ATXN1: variants seen among roughly 807,000 people sequenced by gnomAD.
ATXN1 encodes ataxin-1.
In ATXN1, 8 loss-of-function variants were observed where a neutral mutation model predicts 56.4. The ratio of observed to expected loss-of-function variants is 0.14; its 90% confidence interval spans 0.08 to 0.26. The LOEUF is 0.26. ATXN1 is among the 10% of genes least tolerant of loss of function. ATXN1 has a pLI of 1.00. For synonymous variants in ATXN1, 514 were observed against 494.6 expected (o/e 1.04, Z -0.52); for missense variants, 987 against 1,106.5 (o/e 0.89, Z 1.53).
Position 16,513,800 on chromosome 6 carries a change from A to G in ATXN1, c.-299+8827T>C, listed in dbSNP as rs73724883. Among the ~76,000 whole-genome samples, 304 of 152,230 alleles carry G rather than the reference A, an allele frequency of 2.0e-3. 1 individual carries two copies. The highest frequency in any genetic ancestry group is 6.8e-3 in the African/African-American group (284 of 41,538). On this transcript the variant is annotated intron_variant, in intron 5 of 7. Coordinates refer to ENST00000436367, the MANE Select transcript of ATXN1 (RefSeq NM_001128164.2). ...CCTAGGGCATGGGAGGGAGGGAGAC[A>G]GTGACTTTAAAGCTTTCCTGTTCTG...
chr6:16,529,467 C>G (rs1225594458), intron 4 of ATXN1, among the ~76,000 whole-genome samples: 1 of 152,106 alleles, frequency 6.6e-6, no homozygotes, highest in African/African-American at 2.4e-5. Flanking sequence ...CTTAAATGAT[C>G]TCCATCAGCA....
Position 16,466,997 on chromosome 6 carries a change from G to C in ATXN1, c.-161+18975C>G, listed in dbSNP as rs1760121713. On this transcript the variant is annotated intron_variant, in intron 6 of 7. Coordinates refer to ENST00000436367, the MANE Select transcript of ATXN1 (RefSeq NM_001128164.2). ...CCAGTGTTTGCATTAAATGACTGTG[G>C]TGCAGCCTCGCATAACATAAATGAC... is the stretch of plus-strand genomic sequence containing the variant. Among the ~76,000 whole-genome samples the C allele has an allele frequency of 3.9e-5, 6 of 152,280 alleles. No homozygotes were observed. In the South Asian group the frequency reaches 1.2e-3, roughly 32 times the overall value.
chr6:16,314,668 T>C (rs1760470486), intron 7 of ATXN1, among the ~76,000 whole-genome samples: 1 of 152,064 alleles, frequency 6.6e-6, no homozygotes, highest in African/African-American at 2.4e-5. Context: ...CAGGCTGGAA[T>C]GTAGTGGCAC....
rs1760145580 is a variant in ATXN1, at chr6:16,302,887, T to G, written c.*3442A>C. 6.5e-6 allele frequency: 1 copy of G among 152,698 alleles called. No homozygotes were observed. Among genetic ancestry groups the G allele is most frequent in the Non-Finnish European group, 1.5e-5 (1 of 68,052 alleles). 9.5% of individuals were successfully genotyped at this position (152,698 alleles called of 1,614,324 possible). ...GAATTTCTACCCCTGTCATCGTTAA[T>G]GTTTGCTACACAGAAGCGGTGACAG... On this transcript the variant is annotated 3_prime_UTR_variant, in exon 8 of 8. Coordinates refer to ENST00000436367, the MANE Select transcript of ATXN1 (RefSeq NM_001128164.2).
intron 2 of ATXN1, among the ~76,000 whole-genome samples, chr6:16,668,028 G>A (rs534466056): frequency 4.6e-5 from 7 of 152,118 alleles, no homozygotes; most frequent in South Asian, 4.2e-4. Context: ...TGTGAGTCTC[G>A]GCTTTCGTAA....
At chr6:16,700,613 C>T (rs1759261874) in intron 2 of ATXN1, among the ~76,000 whole-genome samples, 1 of 152,140 alleles carries the variant, frequency 6.6e-6, no homozygotes, top group Admixed American at 6.6e-5. Flanking sequence ...GTTGCCATGG[C>T]CGACCCAAAC....
intron 2 of ATXN1, among the ~76,000 whole-genome samples, chr6:16,710,529 A>G (rs1168080645): frequency 6.6e-6 from 1 of 152,186 alleles, no homozygotes; most frequent in African/African-American, 2.4e-5. Flanking sequence ...ATCTGTTTTC[A>G]AGATTTACCA....
chr6:16,522,996 G>A (rs1761323246), intron 4 of ATXN1, among the ~76,000 whole-genome samples: 1 of 152,124 alleles, frequency 6.6e-6, no homozygotes, highest in South Asian at 2.1e-4. Context: ...TTTTTTAGGT[G>A]CCTTTCTTAA....
chr6:16,667,978 C>T (rs979260673), intron 2 of ATXN1, among the ~76,000 whole-genome samples: 2 of 152,194 alleles, frequency 1.3e-5, no homozygotes, highest in Admixed American at 1.3e-4. Flanking sequence ...GGTGGGCTTA[C>T]CTATGTGCTC....
intron 6 of ATXN1, among the ~76,000 whole-genome samples, chr6:16,342,125 C>T (rs1394208197): frequency 3.3e-5 from 5 of 151,078 alleles, no homozygotes; most frequent in Admixed American, 6.6e-5. Context: ...CTGAGCGATC[C>T]ACCTACCTTG....
At chr6:16,406,725 A>G (rs1292948667) in intron 6 of ATXN1, among the ~76,000 whole-genome samples, 1 of 152,194 alleles carries the variant, frequency 6.6e-6, no homozygotes, top group Non-Finnish European at 1.5e-5. Flanking sequence ...CCTTATTTGA[A>G]GGTTTTTTAC....
At chr6:16,347,464 T>G (rs536247738) in intron 6 of ATXN1, among the ~76,000 whole-genome samples, 2 of 152,090 alleles carry the variant, frequency 1.3e-5, no homozygotes, top group African/African-American at 4.8e-5. Flanking sequence ...CTAGCTACTC[T>G]GGTGGGGACT....
intron 6 of ATXN1, among the ~76,000 whole-genome samples, chr6:16,371,095 A>G (rs929871984): frequency 6.6e-6 from 1 of 152,136 alleles, no homozygotes; most frequent in African/African-American, 2.4e-5. Context: ...TTTCACACCA[A>G]CTAGAATGGT....
chr6:16,425,720 G>A (rs1314384840), intron 6 of ATXN1, among the ~76,000 whole-genome samples: 3 of 152,070 alleles, frequency 2.0e-5, no homozygotes, highest in South Asian at 2.1e-4. Flanking sequence ...AGAATAAGAA[G>A]TCATCTGGGA....
chr6:16,753,188 A>G, intron 2 of ATXN1, 45 bp downstream of exon 2: 1 of 455,786 alleles, frequency 2.2e-6, no homozygotes, highest in South Asian at 1.5e-5. Flanking sequence ...CCAGGTCAGG[A>G]CTTTATCCTC....
intron 6 of ATXN1, among the ~76,000 whole-genome samples, chr6:16,439,613 A>C (rs890663736): frequency 2.2e-4 from 34 of 152,164 alleles, no homozygotes; most frequent in Non-Finnish European, 4.9e-4. Context: ...TTAAACAAAT[A>C]AAAAATTGAG....
chr6:16,334,509 A>G (rs1270108881), intron 6 of ATXN1, among the ~76,000 whole-genome samples: 2 of 152,106 alleles, frequency 1.3e-5, no homozygotes, highest in African/African-American at 4.8e-5. Context: ...GGAGCCCAGG[A>G]GCTCAAGGCC....
At position 16,726,466 on chromosome 6, in the gene ATXN1, G is replaced by A. The variant is rs149604792; in HGVS notation, c.-615+26767C>T. Among the ~76,000 whole-genome samples, 26 of 151,880 alleles carry A rather than the reference G, an allele frequency of 1.7e-4. No homozygotes were observed. The East Asian group carries it at 5.0e-3, about 29-fold the overall frequency. ...ATATGTATAATATCTTAGTGTCACTGCTAAACTAAAACACTAAGGTAGAAC... is the reference window on the plus strand; with the variant it reads ...ATATGTATAATATCTTAGTGTCACTACTAAACTAAAACACTAAGGTAGAAC... On this transcript the variant is annotated intron_variant, in intron 2 of 7. Coordinates refer to ENST00000436367, the MANE Select transcript of ATXN1 (RefSeq NM_001128164.2).
intron 5 of ATXN1, among the ~76,000 whole-genome samples, chr6:16,505,409 A>G (rs1760965092): frequency 6.6e-6 from 1 of 152,204 alleles, no homozygotes; most frequent in South Asian, 2.1e-4. Flanking sequence ...TGCATATTCT[A>G]TCATTAGGTC....
Sources: allele counts gnomAD v4.1 joint callset (sites outside exome capture counted in the v4.1 genomes callset), GRCh38; gene constraint gnomAD v4.1.1; transcripts MANE v1.5; gene names NCBI Gene and HGNC (gene_info 2026-07-23, HGNC 2026-07-21).